The following RBBP8 variants were observed in gnomAD, a reference collection of about 807,000 sequenced individuals.
RBBP8 encodes DNA endonuclease RBBP8.
Under a neutral mutation model 108.3 loss-of-function variants are expected in RBBP8, and 88 were observed. That is an observed-to-expected ratio of 0.81 (90% confidence interval 0.68 to 0.97). The LOEUF (loss-of-function observed/expected upper bound fraction) is 0.97. Ranked by LOEUF, RBBP8 falls within the 50% of genes least tolerant of loss-of-function variation. RBBP8 has a pLI of 0.00. For synonymous variants in RBBP8, 332 were observed against 348.2 expected, an observed-to-expected ratio of 0.95 and a Z score of 0.52; for missense variants, 1,023 against 1,049.0, an observed-to-expected ratio of 0.98 and a Z score of 0.34.
chr18:23,010,979 A>G (rs982943332), intron 16 of RBBP8, among the ~76,000 whole-genome samples: 2 of 152,246 alleles, frequency 1.3e-5, no homozygotes, highest in African/African-American at 2.4e-5. Flanking sequence ...TGTGATCTGC[A>G]TAATCTTAGG....
intron 17 of RBBP8, among the ~76,000 whole-genome samples, chr18:23,017,741 C>CTTTTTTTTT (rs928545363): frequency 7.8e-5 from 7 of 89,194 alleles, no homozygotes; most frequent in African/African-American, 2.0e-4. Flanking sequence ...AATATAAGTT[C>CTTTTTTTTT]TTTTTTTTTT....
intron 1 of RBBP8, among the ~76,000 whole-genome samples, chr18:22,915,017 G>C (rs1287702297): frequency 1.3e-5 from 2 of 151,942 alleles, no homozygotes; most frequent in African/African-American, 4.8e-5. Context: ...TTAGTAGTTT[G>C]TATCATGTAA....
intron 14 of RBBP8, among the ~76,000 whole-genome samples, chr18:23,001,112 T>C (rs1189933662): frequency 6.6e-6 from 1 of 152,244 alleles, no homozygotes; most frequent in African/African-American, 2.4e-5. Flanking sequence ...TTAAACACTT[T>C]ATTACATACA....
intron 4 of RBBP8, 41 bp downstream of exon 4, chr18:22,949,754 T>A: frequency 7.1e-7 from 1 of 1,406,594 alleles, no homozygotes. Flanking sequence ...AGTGATTTCC[T>A]CCATAATAAG....
intron 4 of RBBP8, among the ~76,000 whole-genome samples, chr18:22,962,959 T>G (rs1337310205): frequency 6.6e-6 from 1 of 152,184 alleles, no homozygotes; most frequent in African/African-American, 2.4e-5. Flanking sequence ...CCCTTTTTTT[T>G]GTCTATTTTT....
At position 22,941,318 on chromosome 18, in the gene RBBP8, C is replaced by G. The variant is rs1294566491; in HGVS notation, c.109+4358C>G. On this transcript the variant is annotated intron_variant, in intron 2 of 18. Coordinates refer to ENST00000327155, the MANE Select transcript of RBBP8 (RefSeq NM_002894.3). Reference sequence around the variant, plus strand: ...CCGCAAGTAGCTGGGACTACAGGCACGCACCACCACTCCTGGCTAATTTTT... The same window carrying G: ...CCGCAAGTAGCTGGGACTACAGGCAGGCACCACCACTCCTGGCTAATTTTT... 3.9e-5 allele frequency among the ~76,000 whole-genome samples: 6 copies of G among 151,918 alleles called. 1 individual carries two copies. Among genetic ancestry groups the G allele is most frequent in the African/African-American group, 1.5e-4 (6 of 41,272 alleles).
chr18:22,961,201 G>T (rs923120659), intron 4 of RBBP8, among the ~76,000 whole-genome samples: 1 of 152,246 alleles, frequency 6.6e-6, no homozygotes, highest in African/African-American at 2.4e-5. Flanking sequence ...TGCATGTGTA[G>T]CTGGGAGATC....
At chr18:22,956,799 C>T (rs1442044340) in intron 4 of RBBP8, among the ~76,000 whole-genome samples, 1 of 151,978 alleles carries the variant, frequency 6.6e-6, no homozygotes, top group African/African-American at 2.4e-5. Flanking sequence ...TTATGTGGCT[C>T]ATTTATGTTT....
chr18:22,993,741 A>T lies in RBBP8; in HGVS notation c.1833A>T (p.Pro611=), dbSNP rs749119955. The T allele has an allele frequency of 6.2e-7, 1 of 1,614,164 alleles. No homozygotes were observed. The highest frequency in any genetic ancestry group is 1.1e-5 in the South Asian group (1 of 91,088). ...DDIKSAGSHE[P]IKIQTRSDHG... The stretch of plus-strand genomic sequence containing the variant: ...TTTAGAGTGCTGGTTCTCATGAGCC[A>T]ATAAAAATACAAACCAGGTCAGACC... Residue 611 remains proline, a synonymous_variant, in exon 12 of 19, where the codon CCA becomes CCT. Transcript: ENST00000327155.
rs754978036 is a variant in RBBP8 at position 22,947,193 on chromosome 18, TTTTAA to T, written c.152+710_152+714del. ...AAACTCTTGTTTTCTTTTAAAATTATTTTAATTAAGAAATTTAAAGAATTGTAAAG... is the reference window on the plus strand; with the variant it reads ...AAACTCTTGTTTTCTTTTAAAATTATTTAAGAAATTTAAAGAATTGTAAAG... On this transcript the variant is annotated intron_variant, in intron 3 of 18. Transcript: ENST00000327155. Among the ~76,000 whole-genome samples the T allele has an allele frequency of 2.0e-5, 3 of 152,190 alleles. No homozygotes were observed. In the East Asian group the frequency reaches 5.8e-4, roughly 29 times the overall value.
At chr18:22,953,779 G>A (rs1286350344) in intron 4 of RBBP8, among the ~76,000 whole-genome samples, 1 of 150,252 alleles carries the variant, frequency 6.7e-6, no homozygotes, top group African/African-American at 2.5e-5. Context: ...CCATTTTCAC[G>A]CTGATTTAAA....
chr18:22,969,396 T>C (rs1291245284), intron 5 of RBBP8, among the ~76,000 whole-genome samples: 3 of 152,120 alleles, frequency 2.0e-5, no homozygotes, highest in African/African-American at 2.4e-5. Context: ...TTAGCCGCCT[T>C]CTTTTATTCT....
chr18:22,969,236 C>A (rs1242104723), intron 5 of RBBP8, among the ~76,000 whole-genome samples: 2 of 150,656 alleles, frequency 1.3e-5, no homozygotes, highest in East Asian at 3.9e-4. Context: ...TTTCATGTAA[C>A]CTTAATACTT....
chr18:23,003,063 A>G lies in RBBP8; in HGVS notation c.2287+1334A>G, dbSNP rs1023181823. On this transcript the variant is annotated intron_variant, in intron 15 of 18. Coordinates refer to ENST00000327155, the MANE Select transcript of RBBP8 (RefSeq NM_002894.3). ...TTCTTCTCACTTAGCTTTTCTGACGATGCTGCCTCGTTCTTTTCATTTGTC... is the reference window on the plus strand; with the variant it reads ...TTCTTCTCACTTAGCTTTTCTGACGGTGCTGCCTCGTTCTTTTCATTTGTC... Among the ~76,000 whole-genome samples, 3 of 152,188 alleles carry G rather than the reference A, an allele frequency of 2.0e-5. No homozygotes were observed. In the South Asian group the frequency reaches 6.2e-4, roughly 32 times the overall value.
At chr18:22,928,435 C>G (rs1169885110), upstream of RBBP8, among the ~76,000 whole-genome samples, 1 of 151,948 alleles carries the variant, frequency 6.6e-6, no homozygotes, top group Admixed American at 6.6e-5. Flanking sequence ...AGTGCCTGAG[C>G]TGAGACTTAA....
At chr18:22,929,185 C>A (rs144907052), upstream of RBBP8, among the ~76,000 whole-genome samples, 653 of 152,212 alleles carry the variant, frequency 4.3e-3, 3 homozygotes, top group Non-Finnish European at 7.1e-3. Flanking sequence ...GTATCATCAG[C>A]AGAATATAGT....
intron 6 of RBBP8, among the ~76,000 whole-genome samples, chr18:22,980,678 A>C (rs1461289640): frequency 2.6e-5 from 4 of 151,514 alleles, no homozygotes; most frequent in African/African-American, 9.7e-5. Context: ...CAGGGTTTTC[A>C]TGAGATTTCA....
rs1326019418 is a variant in RBBP8 at position 22,993,045 on chromosome 18, A to G, written c.1218A>G (p.Ile406Met). The change falls in exon 11 of 19, where the codon ATA becomes ATG. Residue 406 changes from isoleucine to methionine, a missense_variant. Transcript: ENST00000327155. ...TTATCCAGTCATCTAATAAACAGAT[A>G]CTTATAAATAAAAATATAAGTGAAT... ...KIIIQSSNKQILINKNISESL... is the reference protein window; with the variant it reads ...KIIIQSSNKQMLINKNISESL... 6.2e-7 allele frequency: 1 copy of G among 1,612,554 alleles called. No homozygotes were observed. The highest frequency in any genetic ancestry group is 8.5e-7 in the Non-Finnish European group (1 of 1,178,854).
At chr18:22,999,130 G>A (rs2045906154) in intron 14 of RBBP8, among the ~76,000 whole-genome samples, 1 of 152,224 alleles carries the variant, frequency 6.6e-6, no homozygotes, top group Non-Finnish European at 1.5e-5. Flanking sequence ...TTGGACTAAT[G>A]AGGGGAAATT....
Sources: allele counts gnomAD v4.1 joint callset (sites outside exome capture counted in the v4.1 genomes callset), GRCh38; gene constraint gnomAD v4.1.1; transcripts MANE v1.5; gene names NCBI Gene and HGNC (gene_info 2026-07-23, HGNC 2026-07-21).